Variants in DAB1 observed in about 807,000 individuals in gnomAD.
The protein encoded by DAB1 is disabled homolog 1.
Under a neutral mutation model 64.6 loss-of-function variants are expected in DAB1, and 15 were observed. The observed-to-expected ratio is 0.23, with a 90% CI of 0.16 to 0.36. The LOEUF (loss-of-function observed/expected upper bound fraction) is 0.36. DAB1 is among the 10% of genes least tolerant of loss of function. The pLI is 1.00. For missense variants in DAB1, 596 were observed against 706.7 expected, an observed-to-expected ratio of 0.84 and a Z score of 1.78; for synonymous variants, 235 against 251.9, an observed-to-expected ratio of 0.93 and a Z score of 0.64.
intron 5 of DAB1, among the ~76,000 whole-genome samples, chr1:58,145,154 C>T (rs1411423188): frequency 6.6e-6 from 1 of 152,190 alleles, no homozygotes; most frequent in Non-Finnish European, 1.5e-5. Context: ...CTTCACATGC[C>T]AAGGAATATC....
At chr1:58,533,106 T>C (rs1331370151) in intron 1 of DAB1, among the ~76,000 whole-genome samples, 4 of 152,256 alleles carry the variant, frequency 2.6e-5, no homozygotes, top group African/African-American at 7.2e-5. Context: ...GAGCCATTTA[T>C]ATTTTTAAAT....
chr1:58,408,925 CA>C (rs988714525), intron 3 of DAB1, among the ~76,000 whole-genome samples: 8 of 151,906 alleles, frequency 5.3e-5, no homozygotes, highest in African/African-American at 9.7e-5. Context: ...CAGATACACA[CA>C]AAAAAAGTTC....
At chr1:58,459,755 A>G (rs1645225393) in intron 3 of DAB1, among the ~76,000 whole-genome samples, 1 of 152,220 alleles carries the variant, frequency 6.6e-6, no homozygotes, top group Admixed American at 6.5e-5. Context: ...AGGTGGATGG[A>G]TCACTTGAGG....
intron 2 of DAB1, among the ~76,000 whole-genome samples, chr1:57,152,714 G>T (rs1659809389): frequency 6.6e-6 from 1 of 152,182 alleles, no homozygotes; most frequent in South Asian, 2.1e-4. Flanking sequence ...TTTATGAATA[G>T]TTAATATATT....
At chr1:57,543,363 C>T (rs1417101795) in intron 7 of DAB1, among the ~76,000 whole-genome samples, 1 of 152,124 alleles carries the variant, frequency 6.6e-6, no homozygotes, top group African/African-American at 2.4e-5. Context: ...CTGCAATTTT[C>T]CTGAGTGATA....
intron 3 of DAB1, among the ~76,000 whole-genome samples, chr1:58,500,735 T>C (rs1645893136): frequency 6.6e-6 from 1 of 152,198 alleles, no homozygotes; most frequent in East Asian, 1.9e-4. Context: ...ATACATTCTA[T>C]CATTCTCCAT....
intron 5 of DAB1, among the ~76,000 whole-genome samples, chr1:58,103,084 G>A (rs1163481279): frequency 2.0e-5 from 3 of 152,056 alleles, no homozygotes; most frequent in African/African-American, 4.8e-5. Flanking sequence ...GGAGAGACAG[G>A]GATGCATGTA....
chr1:57,965,542 A>T (rs1321693058), intron 5 of DAB1, among the ~76,000 whole-genome samples: 2 of 152,164 alleles, frequency 1.3e-5, no homozygotes, highest in Non-Finnish European at 2.9e-5. Context: ...TAAGCTTTTG[A>T]TAAAGGTTAT....
intron 2 of DAB1, among the ~76,000 whole-genome samples, chr1:58,521,428 G>GA (rs894134296): frequency 1.2e-4 from 18 of 150,430 alleles, no homozygotes; most frequent in African/African-American, 3.7e-4. Context: ...ATAAAATAAT[G>GA]AAAAAAAATG....
intron 3 of DAB1, among the ~76,000 whole-genome samples, chr1:58,493,586 A>C (rs920885944): frequency 6.6e-6 from 1 of 151,468 alleles, no homozygotes; most frequent in Non-Finnish European, 1.5e-5. Context: ...ATACAAAATC[A>C]ATGTGCAAAA....
chr1:57,684,342 C>A (rs954261538), intron 6 of DAB1, among the ~76,000 whole-genome samples: 79 of 150,868 alleles, frequency 5.2e-4, no homozygotes, highest in African/African-American at 1.7e-3. Flanking sequence ...AAGGTCAATG[C>A]AAAATAAAAA....
At chr1:58,118,503 T>TATATATACATATATATATACACACAC (rs1341446315) in intron 5 of DAB1, among the ~76,000 whole-genome samples, 1 of 53,126 alleles carries the variant, frequency 1.9e-5, no homozygotes, top group Non-Finnish European at 2.9e-5. Flanking sequence ...TATATATATA[T>TATATATACATATATATATACACACAC]ACACACACAC....
chr1:58,254,386 T>TA (rs59346791), intron 4 of DAB1, among the ~76,000 whole-genome samples: 156 of 107,008 alleles, frequency 1.5e-3, no homozygotes, highest in African/African-American at 6.6e-3. Context: ...TTTATTTATT[T>TA]TTTTTTCTAT....
chr1:58,205,850 T>A (rs1658245190), intron 4 of DAB1, among the ~76,000 whole-genome samples: 1 of 152,210 alleles, frequency 6.6e-6, no homozygotes, highest in Non-Finnish European at 1.5e-5. Context: ...GCTTCCTCCT[T>A]TTCTAAGGCA....
At position 57,950,561 on chromosome 1, in the gene DAB1, A is replaced by G. The variant is rs150219900; in HGVS notation, n.388-66399T>C. On this transcript the variant is annotated intron_variant and non_coding_transcript_variant, in intron 5 of 20. Transcript: ENST00000485760. Reference sequence around the variant, plus strand: ...CTTTATTCCTCTCTATCACCCATCAAATAGAGTCTTGAAATTGACATGATA... The same window carrying G: ...CTTTATTCCTCTCTATCACCCATCAGATAGAGTCTTGAAATTGACATGATA... Among the ~76,000 whole-genome samples the G allele has an allele frequency of 1.9e-3, 294 of 152,306 alleles. 6 individuals are homozygous for G. Among genetic ancestry groups the G allele is most frequent in the Middle Eastern group, 0.017 (5 of 294 alleles).
intron 7 of DAB1, among the ~76,000 whole-genome samples, chr1:57,432,222 G>C (rs1685544951): frequency 6.6e-6 from 1 of 152,130 alleles, no homozygotes; most frequent in South Asian, 2.1e-4. Context: ...TAGCCTCTAT[G>C]TTAAAGGTTA....
chr1:58,314,716 A>G (rs1193178447), intron 4 of DAB1, among the ~76,000 whole-genome samples: 1 of 152,194 alleles, frequency 6.6e-6, no homozygotes, highest in Admixed American at 6.5e-5. Flanking sequence ...CCTTCTTTAT[A>G]TAGATTATCT....
At chr1:58,515,003 A>G (rs2100436629) in intron 2 of DAB1, among the ~76,000 whole-genome samples, 1 of 152,336 alleles carries the variant, frequency 6.6e-6, no homozygotes, top group Middle Eastern at 3.4e-3. Context: ...TGCCCAGCAC[A>G]TTAAAAATGT....
chr1:57,646,530 T>C (rs1646192971), intron 7 of DAB1, among the ~76,000 whole-genome samples: 1 of 152,140 alleles, frequency 6.6e-6, no homozygotes, highest in Non-Finnish European at 1.5e-5. Flanking sequence ...AGAGAATTGC[T>C]TGAACCCAAG....
Sources: allele counts gnomAD v4.1 joint callset (sites outside exome capture counted in the v4.1 genomes callset), GRCh38; gene constraint gnomAD v4.1.1; transcripts MANE v1.5; gene names NCBI Gene and HGNC (gene_info 2026-07-23, HGNC 2026-07-21).